Variants in STPG2 observed in about 807,000 individuals in gnomAD.
STPG2 encodes sperm tail PG-rich repeat containing 2.
In STPG2, 56 loss-of-function variants were observed where a neutral mutation model predicts 54.2. That is an observed-to-expected ratio of 1.03 (90% CI 0.83 to 1.29). The LOEUF (loss-of-function observed/expected upper bound fraction) is 1.29. Ranked by LOEUF, STPG2 falls within the 50% of genes most tolerant of loss-of-function variation. STPG2 has a pLI of 0.00. For missense variants in STPG2, 596 were observed against 544.9 expected (o/e 1.09, Z -0.93); for synonymous variants, 200 against 181.8 (o/e 1.10, Z -0.81).
intron 8 of STPG2, among the ~76,000 whole-genome samples, chr4:97,907,671 T>G (rs1039266092): frequency 1.3e-5 from 2 of 152,068 alleles, no homozygotes; most frequent in African/African-American, 4.8e-5. Flanking sequence ...AAAACAGAGA[T>G]ATAGACCAAT....
At chr4:97,676,879 A>C (rs1265614110) in intron 10 of STPG2, among the ~76,000 whole-genome samples, 1 of 152,192 alleles carries the variant, frequency 6.6e-6, no homozygotes, top group Non-Finnish European at 1.5e-5. Flanking sequence ...TATAACCAGA[A>C]CAGACAAAAA....
chr4:97,449,914 G>C (rs1481500893), intron 4 of STPG2, among the ~76,000 whole-genome samples: 1 of 152,022 alleles, frequency 6.6e-6, no homozygotes, highest in Non-Finnish European at 1.5e-5. Flanking sequence ...TAAACAAACA[G>C]AAACACAATT....
At chr4:97,905,845 T>C (rs1731392521) in intron 8 of STPG2, among the ~76,000 whole-genome samples, 1 of 151,902 alleles carries the variant, frequency 6.6e-6, no homozygotes, top group Non-Finnish European at 1.5e-5. Context: ...CATACCAGAA[T>C]CTCTGGGACG....
chr4:97,574,971 CGGAAA>C (rs1553939286), intron 10 of STPG2, among the ~76,000 whole-genome samples: 1 of 151,582 alleles, frequency 6.6e-6, no homozygotes, highest in Non-Finnish European at 1.5e-5. Flanking sequence ...AAAAATCACA[CGGAAA>C]TACAAAAGAT....
At chr4:98,096,686 G>T (rs1304387016) in intron 5 of STPG2, among the ~76,000 whole-genome samples, 1 of 151,942 alleles carries the variant, frequency 6.6e-6, no homozygotes, top group Admixed American at 6.6e-5. Context: ...ACAAAAAATG[G>T]TTTTTTGAAA....
intron 9 of STPG2, among the ~76,000 whole-genome samples, chr4:97,727,751 A>C (rs2149023289): frequency 6.6e-6 from 1 of 151,856 alleles, no homozygotes; most frequent in African/African-American, 2.4e-5. Flanking sequence ...TTCTTACAAA[A>C]CTAGTGTTTG....
At chr4:97,862,686 G>A (rs752137299) in intron 8 of STPG2, among the ~76,000 whole-genome samples, 39 of 152,004 alleles carry the variant, frequency 2.6e-4, no homozygotes, top group East Asian at 1.2e-3. Flanking sequence ...AATTCACCAC[G>A]GAGTTGGAAG....
At chr4:97,973,536 T>A (rs1282413632) in intron 6 of STPG2, among the ~76,000 whole-genome samples, 12 of 152,174 alleles carry the variant, frequency 7.9e-5, no homozygotes, top group Non-Finnish European at 1.2e-4. Context: ...AATGAGGAGT[T>A]GAATGTTAAT....
At chr4:97,853,314 C>T (rs1241669681) in intron 8 of STPG2, among the ~76,000 whole-genome samples, 1 of 152,152 alleles carries the variant, frequency 6.6e-6, no homozygotes, top group Non-Finnish European at 1.5e-5. Context: ...ATACTCCCAT[C>T]TGTTGCCAGA....
chr4:97,479,799 T>A (rs753819834), intron 4 of STPG2, among the ~76,000 whole-genome samples: 1 of 151,886 alleles, frequency 6.6e-6, no homozygotes, highest in Non-Finnish European at 1.5e-5. Context: ...ATGAAACAAT[T>A]GTCTTCAGCT....
In STPG2 at chr4:97,931,701, T is replaced by G. The variant is rs12649480; in HGVS notation, c.1044+12196A>C. 2.7e-3 allele frequency among the ~76,000 whole-genome samples: 417 copies of G among 151,698 alleles called. 12 individuals carry two copies. In the East Asian group the frequency reaches 0.072, roughly 26 times the overall value. The stretch of plus-strand genomic sequence containing the variant: ...TGTTGTTTGTTGTTTTTTTATCTTT[T>G]TGTGTGTGTGTGTGTTTCTGCCAAG... On this transcript the variant is annotated intron_variant, in intron 8 of 10. Coordinates refer to ENST00000295268, the MANE Select transcript of STPG2 (RefSeq NM_174952.3).
At chr4:97,762,803 A>G (rs1725926758) in intron 9 of STPG2, among the ~76,000 whole-genome samples, 1 of 152,190 alleles carries the variant, frequency 6.6e-6, no homozygotes, top group African/African-American at 2.4e-5. Flanking sequence ...CAGATTATGA[A>G]AAGATATTAT....
chr4:98,019,845 T>A lies in STPG2; in HGVS notation c.613-38527A>T, dbSNP rs1316269905. ...TCTGTTGTTGGTGTATAAGAATGTT[T>A]GTGATTTTTTTACATTGATTTTGTA... On this transcript the variant is annotated intron_variant, in intron 5 of 10. Coordinates refer to ENST00000295268, the MANE Select transcript of STPG2 (RefSeq NM_174952.3). 4.6e-4 allele frequency among the ~76,000 whole-genome samples: 54 copies of A among 118,536 alleles called. 7 individuals carry two copies. The highest frequency in any genetic ancestry group is 2.8e-3 in the Admixed American group (35 of 12,310). 77.8% of individuals were successfully genotyped at this position (118,536 alleles called of 152,430 possible). A position where few individuals can be genotyped will look rare whatever the true frequency, so the allele number is the denominator to read the frequency against.
At chr4:97,638,432 G>A (rs1338008038) in intron 10 of STPG2, among the ~76,000 whole-genome samples, 1 of 152,080 alleles carries the variant, frequency 6.6e-6, no homozygotes, top group East Asian at 1.9e-4. Flanking sequence ...ACATAGGCAT[G>A]GGCAAGGACT....
rs763428983 is a variant in STPG2 at position 98,128,493 on chromosome 4, T to A, written c.322A>T (p.Ile108Phe). Reference protein sequence around the residue: ...YGYHINDDGSIIKCFPPACDS... With the variant: ...YGYHINDDGSFIKCFPPACDS... ...CAAGCAGGTGGAAAACATTTTATAA[T>A]ACTGCCATCATCATTAATATGATAA... The change falls in exon 3 of 11, where the codon ATT (isoleucine) becomes TTT (phenylalanine). Residue 108 changes from isoleucine (I) to phenylalanine (F), a missense_variant. Coordinates refer to ENST00000295268, the MANE Select transcript of STPG2 (RefSeq NM_174952.3). 1 of 1,613,582 alleles carries A rather than the reference T, an allele frequency of 6.2e-7. No individual in the cohort carries two copies. Among genetic ancestry groups the A allele is most frequent in the African/African-American group, 1.3e-5 (1 of 74,920 alleles).
intron 8 of STPG2, among the ~76,000 whole-genome samples, chr4:97,891,935 C>T (rs1314341391): frequency 6.6e-6 from 1 of 152,006 alleles, no homozygotes; most frequent in Non-Finnish European, 1.5e-5. Context: ...CAGCCAATCC[C>T]CCATTGCTGG....
At chr4:97,583,098 G>C (rs899045632) in intron 10 of STPG2, among the ~76,000 whole-genome samples, 2 of 151,962 alleles carry the variant, frequency 1.3e-5, no homozygotes, top group African/African-American at 4.8e-5. Flanking sequence ...AGCAAATGTA[G>C]ATTTGATGAT....
At chr4:98,074,403 G>A (rs1265578420) in intron 5 of STPG2, among the ~76,000 whole-genome samples, 1 of 152,110 alleles carries the variant, frequency 6.6e-6, no homozygotes, top group Admixed American at 6.6e-5. Context: ...GTGCCTTCAT[G>A]GGGTTTATTT....
intron 8 of STPG2, among the ~76,000 whole-genome samples, chr4:97,880,379 T>G (rs1044884957): frequency 5.9e-5 from 9 of 152,204 alleles, no homozygotes; most frequent in African/African-American, 1.9e-4. Flanking sequence ...AGAGCAAGTA[T>G]GCCCAAATAG....
Sources: allele counts gnomAD v4.1 joint callset (sites outside exome capture counted in the v4.1 genomes callset), GRCh38; gene constraint gnomAD v4.1.1; transcripts MANE v1.5; gene names NCBI Gene and HGNC (gene_info 2026-07-23, HGNC 2026-07-21).